ABCA13: variants seen among roughly 807,000 people sequenced by gnomAD.
ABCA13 encodes ATP-binding cassette sub-family A member 13.
Under a neutral mutation model 478.7 loss-of-function variants are expected in ABCA13, and 476 were observed. That is an observed-to-expected ratio of 0.99 (90% CI 0.92 to 1.07). The LOEUF (loss-of-function observed/expected upper bound fraction) is 1.07, where lower values mean the gene tolerates loss of function less well. Among genes scored for constraint, ABCA13 ranks in the 50% least tolerant of loss-of-function variants. The pLI is 0.00. For synonymous variants in ABCA13, 2,252 were observed against 2,158.9 expected, an observed-to-expected ratio of 1.04 and a Z score of -1.20; for missense variants, 6,060 against 5,910.6, an observed-to-expected ratio of 1.03 and a Z score of -0.83.
intron 56 of ABCA13, among the ~76,000 whole-genome samples, chr7:48,585,153 A>C (rs6583456): frequency 6.6e-6 from 1 of 152,034 alleles, no homozygotes; most frequent in Non-Finnish European, 1.5e-5. Context: ...TTCATTTATA[A>C]GACCCTTCCT....
chr7:48,636,708 A>G (rs1794667035), intron 59 of ABCA13, among the ~76,000 whole-genome samples: 1 of 152,260 alleles, frequency 6.6e-6, no homozygotes, highest in South Asian at 2.1e-4. Flanking sequence ...GTGGGCCTGA[A>G]GAGAGAAGTA....
chr7:48,472,073 A>G (rs1827561179), intron 45 of ABCA13, among the ~76,000 whole-genome samples: 1 of 152,186 alleles, frequency 6.6e-6, no homozygotes, highest in Admixed American at 6.5e-5. Flanking sequence ...GAGAGACATC[A>G]CTGTCTAATC....
Position 48,276,566 on chromosome 7 carries a change from G to A in ABCA13, c.6899+1G>A, listed in dbSNP as rs1198514750. 6.2e-7 allele frequency: 1 copy of A among 1,609,990 alleles called. No homozygotes were observed. The highest frequency in any genetic ancestry group is 1.7e-5 in the Admixed American group (1 of 59,920). On this transcript the variant is annotated splice_donor_variant, in intron 17 of 61. Coordinates refer to ENST00000435803, the MANE Select transcript of ABCA13 (RefSeq NM_152701.5). LOFTEE classifies it high-confidence loss of function. ...ACAAAGATGTTATTGCAGAGATGAG[G>A]TGAGTATACTTTTGCTTTGTGTCAT...
intron 13 of ABCA13, among the ~76,000 whole-genome samples, chr7:48,247,338 C>T (rs1282995115): frequency 6.6e-6 from 1 of 152,132 alleles, no homozygotes; most frequent in Admixed American, 6.6e-5. Context: ...TACTAGATGT[C>T]AGCTCTTTCC....
intron 42 of ABCA13, among the ~76,000 whole-genome samples, chr7:48,432,398 A>G (rs1045387087): frequency 2.0e-5 from 3 of 152,156 alleles, no homozygotes; most frequent in African/African-American, 7.2e-5. Context: ...TAGCCATTAT[A>G]GAAAATAGTA....
intron 5 of ABCA13, among the ~76,000 whole-genome samples, chr7:48,225,103 G>C: frequency 7.4e-6 from 1 of 134,998 alleles, no homozygotes; most frequent in South Asian, 2.4e-4. Context: ...TAATCACCAT[G>C]CGTGCGTGCC....
At chr7:48,186,301 A>G (rs756661031) in intron 1 of ABCA13, among the ~76,000 whole-genome samples, 27 of 152,110 alleles carry the variant, frequency 1.8e-4, no homozygotes, top group Non-Finnish European at 3.2e-4. Context: ...CATTCCTGAG[A>G]GATTGTTTTT....
intron 55 of ABCA13, among the ~76,000 whole-genome samples, chr7:48,551,884 A>C (rs978154802): frequency 6.6e-6 from 1 of 151,824 alleles, no homozygotes; most frequent in Non-Finnish European, 1.5e-5. Context: ...TCTGGGCATT[A>C]TCCTACTGTC....
At chr7:48,192,883 C>A in intron 1 of ABCA13, 76 bp from the exon 2 acceptor site, 2 of 1,142,876 alleles carry the variant, frequency 1.7e-6, no homozygotes, top group Non-Finnish European at 2.5e-6. Flanking sequence ...ATTAAAATGA[C>A]CTCCTTCAAG....
At position 48,275,150 on chromosome 7, in the gene ABCA13, A is replaced by G; in HGVS notation, c.5484A>G (p.Thr1828=). 1 of 1,613,944 alleles carries G rather than the reference A, an allele frequency of 6.2e-7. No homozygotes were observed. Among genetic ancestry groups the G allele is most frequent in the Non-Finnish European group, 8.5e-7 (1 of 1,179,856 alleles). ...CFPVVWCWNH[T]NSGFRQNSKI... ...CTGTGGTTTGGTGCTGGAATCACAC[A>G]AATTCTGGATTTCGGCAGAATTCAA... The change falls in exon 17 of 62, where the codon ACA becomes ACG. Residue 1828 remains threonine (T), a synonymous_variant. Transcript: ENST00000435803.
chr7:48,490,916 C>T (rs1235320751), intron 48 of ABCA13, among the ~76,000 whole-genome samples: 1 of 152,020 alleles, frequency 6.6e-6, no homozygotes, highest in Non-Finnish European at 1.5e-5. Flanking sequence ...ATTTAATGAC[C>T]TATTGGAAGG....
chr7:48,639,891 T>C (rs549833935), intron 59 of ABCA13, among the ~76,000 whole-genome samples: 7 of 152,342 alleles, frequency 4.6e-5, no homozygotes, highest in African/African-American at 1.7e-4. Flanking sequence ...AGTATGTTCC[T>C]TTAATTCTCT....
chr7:48,209,814 TG>T (rs1339204719), intron 3 of ABCA13, among the ~76,000 whole-genome samples: 1 of 152,216 alleles, frequency 6.6e-6, no homozygotes, highest in Non-Finnish European at 1.5e-5. Flanking sequence ...TTTGAATCTT[TG>T]TGGCATCAGT....
At chr7:48,568,849 G>C (rs868395378) in intron 55 of ABCA13, among the ~76,000 whole-genome samples, 13 of 151,428 alleles carry the variant, frequency 8.6e-5, no homozygotes, top group South Asian at 2.1e-4. Flanking sequence ...TTTCTCATTT[G>C]GTCACTTTCA....
intron 41 of ABCA13, among the ~76,000 whole-genome samples, chr7:48,420,983 G>A (rs12718265): frequency 0.046 from 7,039 of 152,186 alleles, 186 homozygotes; most frequent in South Asian, 0.091. Flanking sequence ...TGCACAATGA[G>A]CCTCAATATG....
Position 48,227,285 on chromosome 7 carries a change from G to C in ABCA13, c.492G>C (p.Glu164Asp), listed in dbSNP as rs760487607. 6.2e-7 allele frequency: 1 copy of C among 1,613,590 alleles called. No individual in the cohort carries two copies. Among genetic ancestry groups the C allele is most frequent in the South Asian group, 1.1e-5 (1 of 91,070 alleles). ...AGATGGATCTCAATAAGACCGAGGAGGTAATATTGAAACTGGAAAGCCTCC... is the reference window on the plus strand; with the variant it reads ...AGATGGATCTCAATAAGACCGAGGACGTAATATTGAAACTGGAAAGCCTCC... ...FFTMDLNKTE[E>D]VILKLESLHQ... Residue 164 changes from glutamate (E) to aspartate (D), a missense_variant, in exon 6 of 62, where the codon GAG becomes GAC. Coordinates refer to ENST00000435803, the MANE Select transcript of ABCA13 (RefSeq NM_152701.5).
At chr7:48,612,996 A>G (rs1792176410) in intron 58 of ABCA13, among the ~76,000 whole-genome samples, 2 of 152,152 alleles carry the variant, frequency 1.3e-5, no homozygotes, top group African/African-American at 4.8e-5. Context: ...TTTAAAATCA[A>G]TTTGATTTAA....
chr7:48,443,109 C>T (rs991264698), intron 42 of ABCA13, among the ~76,000 whole-genome samples: 25 of 152,146 alleles, frequency 1.6e-4, no homozygotes, highest in Non-Finnish European at 2.9e-4. Context: ...AGAAGAAAGC[C>T]GTCGGCAAAC....
chr7:48,622,798 C>A (rs1227374619), intron 59 of ABCA13, among the ~76,000 whole-genome samples: 2 of 152,150 alleles, frequency 1.3e-5, no homozygotes, highest in African/African-American at 4.8e-5. Flanking sequence ...TTCCTCATGA[C>A]AATCCTACAA....
Sources: allele counts gnomAD v4.1 joint callset (sites outside exome capture counted in the v4.1 genomes callset), GRCh38; gene constraint gnomAD v4.1.1; transcripts MANE v1.5; gene names NCBI Gene and HGNC (gene_info 2026-07-23, HGNC 2026-07-21).